The following DYM variants were observed in gnomAD, a reference collection of about 807,000 sequenced individuals.
The protein encoded by DYM is dyggve-Melchior-Clausen syndrome protein.
Under a neutral mutation model 93.1 loss-of-function variants are expected in DYM, and 78 were observed. The observed-to-expected ratio is 0.84, with a 90% confidence interval of 0.70 to 1.01. The LOEUF (loss-of-function observed/expected upper bound fraction) is 1.01, where lower values mean the gene tolerates loss of function less well. Among genes scored for constraint, DYM ranks in the 50% least tolerant of loss-of-function variants. The pLI is 0.00. For synonymous variants in DYM, 321 were observed against 319.7 expected, an observed-to-expected ratio of 1.00 and a Z score of -0.04; for missense variants, 789 against 845.0, an observed-to-expected ratio of 0.93 and a Z score of 0.82.
chr18:49,325,184 T>C (rs1487669293), intron 8 of DYM, among the ~76,000 whole-genome samples: 1 of 152,206 alleles, frequency 6.6e-6, no homozygotes, highest in Non-Finnish European at 1.5e-5. Flanking sequence ...AAGATTCCTG[T>C]GGGTAAGTCC....
At chr18:49,295,732 T>C (rs1220165152) in intron 8 of DYM, among the ~76,000 whole-genome samples, 1 of 152,170 alleles carries the variant, frequency 6.6e-6, no homozygotes, top group Non-Finnish European at 1.5e-5. Context: ...GTATGTATTA[T>C]AAAATTCCAG....
At chr18:49,207,527 T>G (rs1225088485) in intron 14 of DYM, among the ~76,000 whole-genome samples, 3 of 152,198 alleles carry the variant, frequency 2.0e-5, no homozygotes, top group African/African-American at 7.2e-5. Context: ...GATTAACATT[T>G]ATGGAATGTT....
intron 15 of DYM, among the ~76,000 whole-genome samples, chr18:49,161,085 A>C (rs2087055918): frequency 6.6e-6 from 1 of 151,788 alleles, no homozygotes. Context: ...CATAAATGTT[A>C]AGAAAAAAAA....
chr18:49,156,992 C>T lies in DYM; in HGVS notation c.1728+6693G>A, dbSNP rs1362814911. On this transcript the variant is annotated intron_variant, in intron 15 of 17. Coordinates refer to ENST00000675505, the MANE Select transcript of DYM (RefSeq NM_001353214.3). ...AAGCAGCTGGTTGACAGGAAGCCTG[C>T]CAACATGGCCCCCATTTCTTTGTTC... Among the ~76,000 whole-genome samples the T allele has an allele frequency of 2.6e-5, 4 of 151,782 alleles. No individual in the cohort carries two copies. The South Asian group carries it at 8.4e-4, about 32-fold the overall frequency.
intron 2 of DYM, among the ~76,000 whole-genome samples, chr18:49,425,672 T>A (rs1196506771): frequency 6.6e-6 from 1 of 152,130 alleles, no homozygotes; most frequent in East Asian, 1.9e-4. Context: ...ATCCACAATC[T>A]ACAAAGAACT....
chr18:49,195,481 AG>A (rs2073585231), intron 14 of DYM, among the ~76,000 whole-genome samples: 1 of 152,192 alleles, frequency 6.6e-6, no homozygotes. Context: ...TCAGTACCAC[AG>A]AACAACAGAA....
intron 11 of DYM, among the ~76,000 whole-genome samples, chr18:49,262,591 G>A (rs910971346): frequency 2.6e-5 from 4 of 152,086 alleles, no homozygotes; most frequent in Non-Finnish European, 4.4e-5. Context: ...TATTCACCAG[G>A]TATGCCTGTC....
At chr18:49,425,962 T>C (rs575271887) in intron 2 of DYM, among the ~76,000 whole-genome samples, 144 of 152,150 alleles carry the variant, frequency 9.5e-4, no homozygotes, top group African/African-American at 3.2e-3. Flanking sequence ...TGTAAACTAG[T>C]TCAACCATTG....
intron 11 of DYM, among the ~76,000 whole-genome samples, chr18:49,270,465 A>G (rs2094665940): frequency 6.6e-6 from 1 of 152,198 alleles, no homozygotes; most frequent in African/African-American, 2.4e-5. Flanking sequence ...GGTCAAAGTT[A>G]CAGGTATATG....
chr18:49,378,038 T>C (rs2067679290), intron 5 of DYM, among the ~76,000 whole-genome samples: 1 of 152,216 alleles, frequency 6.6e-6, no homozygotes, highest in South Asian at 2.1e-4. Context: ...AATCTTTCCC[T>C]GTATCTTCAG....
intron 5 of DYM, among the ~76,000 whole-genome samples, chr18:49,371,648 C>A (rs2067055082): frequency 6.6e-6 from 1 of 152,016 alleles, no homozygotes; most frequent in Admixed American, 6.6e-5. Flanking sequence ...GGGTATAATA[C>A]CAAGCCAGAG....
chr18:49,399,694 G>T (rs1198934982), intron 2 of DYM, among the ~76,000 whole-genome samples: 1 of 151,962 alleles, frequency 6.6e-6, no homozygotes, highest in East Asian at 1.9e-4. Context: ...TTGCCCAGTT[G>T]CTTGTCTATG....
chr18:49,176,187 TAAC>T (rs1325455813), intron 14 of DYM, among the ~76,000 whole-genome samples: 1 of 152,118 alleles, frequency 6.6e-6, no homozygotes, highest in Non-Finnish European at 1.5e-5. Context: ...GAAAGATGGC[TAAC>T]AACTTAAAAA....
chr18:49,108,129 C>A (rs2081039825), intron 16 of DYM, among the ~76,000 whole-genome samples: 4 of 152,250 alleles, frequency 2.6e-5, no homozygotes, highest in African/African-American at 9.6e-5. Context: ...CCCAGCCTCA[C>A]TGCCACCTTG....
At chr18:49,297,793 AAAAC>A (rs534174492) in intron 8 of DYM, among the ~76,000 whole-genome samples, 118 of 152,282 alleles carry the variant, frequency 7.7e-4, no homozygotes, top group African/African-American at 2.6e-3. Flanking sequence ...AATGTTTCCT[AAAAC>A]AAACAGTGTT....
At chr18:49,292,531 T>C (rs2145977266) in intron 8 of DYM, among the ~76,000 whole-genome samples, 1 of 148,994 alleles carries the variant, frequency 6.7e-6, no homozygotes, top group East Asian at 2.0e-4. Context: ...CCTTTCTCTT[T>C]GCTGGTCCAA....
chr18:49,290,534 A>C (rs1045572299), intron 8 of DYM, among the ~76,000 whole-genome samples: 5 of 152,054 alleles, frequency 3.3e-5, no homozygotes, highest in African/African-American at 1.2e-4. Flanking sequence ...TTTAAAAATA[A>C]ATGTAAAAGA....
intron 17 of DYM, among the ~76,000 whole-genome samples, chr18:49,066,590 G>A (rs939865346): frequency 8.5e-5 from 13 of 152,154 alleles, no homozygotes; most frequent in South Asian, 2.1e-4. Context: ...ACATCTCCTC[G>A]TGTGCAAGGG....
At chr18:49,085,829 A>T (rs910433258) in intron 17 of DYM, among the ~76,000 whole-genome samples, 4 of 151,930 alleles carry the variant, frequency 2.6e-5, no homozygotes, top group African/African-American at 9.7e-5. Flanking sequence ...GCTGCTCTTG[A>T]ACGTCTGACT....
Sources: gnomAD v4.1 joint callset for allele counts (sites outside exome capture counted in the v4.1 genomes callset) on GRCh38, gnomAD v4.1.1 for gene constraint, MANE v1.5 for transcripts, NCBI Gene and HGNC (gene_info 2026-07-23, HGNC 2026-07-21) for gene names.